The following TAF4B variants were observed in gnomAD, a reference collection of about 807,000 sequenced individuals.
TAF4B encodes the protein TATA-box binding protein associated factor 4b.
A neutral mutation model predicts 86.4 loss-of-function variants in TAF4B; 38 were observed. The observed-to-expected ratio is 0.44, with a 90% CI of 0.34 to 0.58. The LOEUF (loss-of-function observed/expected upper bound fraction) is 0.58, where lower values mean the gene tolerates loss of function less well. TAF4B is among the 20% of genes least tolerant of loss of function. The probability of loss-of-function intolerance (pLI) is 0.02; values close to 1 mark genes in which losing one functional copy is unlikely to be tolerated. For synonymous variants in TAF4B, 388 were observed against 391.2 expected, an observed-to-expected ratio of 0.99 and a Z score of 0.10; for missense variants, 988 against 1,027.6, an observed-to-expected ratio of 0.96 and a Z score of 0.53.
At chr18:26,282,786 T>G (rs1172307840) in intron 6 of TAF4B, among the ~76,000 whole-genome samples, 1 of 152,234 alleles carries the variant, frequency 6.6e-6, no homozygotes, top group African/African-American at 2.4e-5. Context: ...GTCAATTCTC[T>G]CATACCCTGC....
intron 13 of TAF4B, among the ~76,000 whole-genome samples, chr18:26,344,707 C>T (rs959736839): frequency 2.6e-5 from 4 of 152,160 alleles, no homozygotes; most frequent in Non-Finnish European, 4.4e-5. Flanking sequence ...CTGACATTGG[C>T]AAGATGGCTG....
chr18:26,230,738 A>G (rs1267579630), intron 1 of TAF4B, among the ~76,000 whole-genome samples: 1 of 151,980 alleles, frequency 6.6e-6, no homozygotes, highest in Non-Finnish European at 1.5e-5. Flanking sequence ...GTCCTTTTTG[A>G]TTACAAGTCC....
chr18:26,242,747 G>A (rs984208200), intron 1 of TAF4B, among the ~76,000 whole-genome samples: 1 of 152,164 alleles, frequency 6.6e-6, no homozygotes, highest in Non-Finnish European at 1.5e-5. Flanking sequence ...TGTGTTTAGT[G>A]CTTCCTTCAG....
At chr18:26,311,009 A>G (rs1008448613) in intron 9 of TAF4B, among the ~76,000 whole-genome samples, 12 of 152,134 alleles carry the variant, frequency 7.9e-5, no homozygotes, top group Non-Finnish European at 1.8e-4. Flanking sequence ...ATCAGTACAT[A>G]TTCACTGTGA....
At chr18:26,251,986 G>C (rs1172759749) in intron 1 of TAF4B, among the ~76,000 whole-genome samples, 1 of 152,042 alleles carries the variant, frequency 6.6e-6, no homozygotes, top group Non-Finnish European at 1.5e-5. Flanking sequence ...TGGACCTCTT[G>C]GCATTAATAG....
At chr18:26,311,745 A>T (rs371973337) in intron 9 of TAF4B, among the ~76,000 whole-genome samples, 2 of 152,200 alleles carry the variant, frequency 1.3e-5, no homozygotes, top group South Asian at 4.1e-4. Flanking sequence ...GAAGAGTGCT[A>T]ACTGTGGTCA....
At chr18:26,256,523 C>A (rs1343037993) in intron 1 of TAF4B, among the ~76,000 whole-genome samples, 1 of 151,888 alleles carries the variant, frequency 6.6e-6, no homozygotes, top group Admixed American at 6.6e-5. Flanking sequence ...TGCTCTTAAT[C>A]TTTATTATTT....
intron 11 of TAF4B, among the ~76,000 whole-genome samples, 162 bp from the exon 12 acceptor site, chr18:26,326,853 G>A (rs1003866442): frequency 2.0e-4 from 30 of 152,280 alleles, no homozygotes; most frequent in African/African-American, 7.0e-4. Context: ...TGGAGTGGAT[G>A]TAGGGGGATG....
Position 26,390,069 on chromosome 18 carries a change from ATTGTT to A in TAF4B, c.*58_*62del. The A allele has an allele frequency of 6.6e-7, 1 of 1,526,274 alleles. No individual in the cohort carries two copies. The highest frequency in any genetic ancestry group is 2.3e-5 in the East Asian group (1 of 43,794). The allele number at this position is 1,526,274 out of a possible 1,614,324, so 94.5% of individuals were successfully genotyped here. ...TTTACTGCCAAAGAAGACACAAAGC[ATTGTT>A]GCACTGTCCTGAAATTTCAATTTCT... On this transcript the variant is annotated 3_prime_UTR_variant, in exon 15 of 15. Coordinates refer to ENST00000269142, the MANE Select transcript of TAF4B (RefSeq NM_005640.3).
intron 9 of TAF4B, chr18:26,295,186 T>C (rs183093748): frequency 0.015 from 6,020 of 396,486 alleles, 70 homozygotes; most frequent in Middle Eastern, 0.029. Context: ...ATGTACATTT[T>C]ATTTGTAGGT....
chr18:26,373,562 C>T (rs1165105732), intron 14 of TAF4B, among the ~76,000 whole-genome samples: 1 of 152,012 alleles, frequency 6.6e-6, no homozygotes, highest in Non-Finnish European at 1.5e-5. Flanking sequence ...AATTGCTTTC[C>T]TCTTAAAGTG....
chr18:26,316,549 C>T (rs1303455303), intron 10 of TAF4B, among the ~76,000 whole-genome samples: 5 of 152,120 alleles, frequency 3.3e-5, no homozygotes, highest in Non-Finnish European at 5.9e-5. Context: ...CACCACCACA[C>T]CCAGCTAATT....
chr18:26,292,614 C>G (rs1233811108), intron 8 of TAF4B, among the ~76,000 whole-genome samples: 3 of 152,152 alleles, frequency 2.0e-5, no homozygotes, highest in Admixed American at 2.0e-4. Flanking sequence ...CTCCACCTCC[C>G]AGGTTTAAGC....
chr18:26,321,532 C>G (rs1479455419), intron 11 of TAF4B, among the ~76,000 whole-genome samples: 1 of 126,610 alleles, frequency 7.9e-6, no homozygotes, highest in Non-Finnish European at 1.7e-5. Context: ...TCTGCACTCT[C>G]CTCGCATTCC....
intron 13 of TAF4B, among the ~76,000 whole-genome samples, chr18:26,345,160 T>A (rs2057166813): frequency 6.6e-6 from 1 of 151,862 alleles, no homozygotes; most frequent in Non-Finnish European, 1.5e-5. Context: ...ACAGATAAGC[T>A]CCTGGTCTAC....
At chr18:26,362,873 AC>A (rs1462301615) in intron 14 of TAF4B, among the ~76,000 whole-genome samples, 2 of 152,306 alleles carry the variant, frequency 1.3e-5, no homozygotes, top group South Asian at 2.1e-4. Flanking sequence ...GGAGGAAAAA[AC>A]ATCACATAAT....
At chr18:26,330,691 C>T (rs12968372) in intron 12 of TAF4B, among the ~76,000 whole-genome samples, 33,384 of 151,918 alleles carry the variant, frequency 0.22, 4,344 homozygotes, top group Non-Finnish European at 0.3. Flanking sequence ...ATTATAAAAC[C>T]GTGAGTTCAT....
chr18:26,256,819 C>CTTT (rs146699043), intron 1 of TAF4B, among the ~76,000 whole-genome samples: 4 of 142,058 alleles, frequency 2.8e-5, no homozygotes, highest in Non-Finnish European at 4.6e-5. Flanking sequence ...AGTTACCCCA[C>CTTT]TTTTTTTTTT....
At chr18:26,301,269 G>A (rs2056728554) in intron 9 of TAF4B, among the ~76,000 whole-genome samples, 1 of 151,110 alleles carries the variant, frequency 6.6e-6, no homozygotes, top group African/African-American at 2.4e-5. Flanking sequence ...GTGCATGTGT[G>A]GTTTTCTTTG....
Sources: allele counts gnomAD v4.1 joint callset (sites outside exome capture counted in the v4.1 genomes callset), GRCh38; gene constraint gnomAD v4.1.1; transcripts MANE v1.5; gene names NCBI Gene and HGNC (gene_info 2026-07-23, HGNC 2026-07-21).